The following MACF1 variants were observed in gnomAD, a reference collection of about 807,000 sequenced individuals.
MACF1 encodes microtubule actin crosslinking factor 1.
Under a neutral mutation model 854.8 loss-of-function variants are expected in MACF1, and 193 were observed. The ratio of observed to expected loss-of-function variants is 0.23; its 90% CI spans 0.20 to 0.25. MACF1 has a LOEUF of 0.25. MACF1 is among the 10% of genes least tolerant of loss of function. The pLI is 1.00. For missense variants in MACF1, 7,722 were observed against 8,929.1 expected (o/e 0.86, Z 5.45); for synonymous variants, 3,185 against 3,226.7 (o/e 0.99, Z 0.44).
chr1:39,414,308 C>T, intron 58 of MACF1: 1 of 1,614,036 alleles, frequency 6.2e-7, no homozygotes, highest in South Asian at 1.1e-5. Context: ...CACACTGACT[C>T]AGTGCCTATT....
chr1:39,374,079 TA>T (rs1397962545), intron 52 of MACF1, among the ~76,000 whole-genome samples: 2 of 151,594 alleles, frequency 1.3e-5, no homozygotes, highest in African/African-American at 4.8e-5. Context: ...CCATCTCTAC[TA>T]AAAATACAAA....
chr1:39,222,438 T>G (rs1219551883), intron 1 of MACF1, among the ~76,000 whole-genome samples: 1 of 152,228 alleles, frequency 6.6e-6, no homozygotes. Flanking sequence ...TTGTGCTTTT[T>G]TTAAGTTTGG....
At chr1:39,337,774 TG>T (rs1479921600) in intron 38 of MACF1, among the ~76,000 whole-genome samples, 1 of 148,394 alleles carries the variant, frequency 6.7e-6, no homozygotes, top group East Asian at 2.0e-4. Flanking sequence ...TTTGTGTGTG[TG>T]TGTTTTTTTT....
intron 66 of MACF1, 40 bp from the exon 67 acceptor site, chr1:39,432,495 T>C (rs372962716): frequency 7.5e-6 from 12 of 1,605,088 alleles, no homozygotes; most frequent in Non-Finnish European, 8.5e-6. Flanking sequence ...GAGACTTGGC[T>C]GTATATAATT....
chr1:39,289,951 C>T (rs966663975), intron 15 of MACF1, among the ~76,000 whole-genome samples: 1 of 151,934 alleles, frequency 6.6e-6, no homozygotes, highest in African/African-American at 2.4e-5. Flanking sequence ...CCACCCGTCT[C>T]GGCCTCCCAA....
Position 39,334,675 on chromosome 1 carries a change from C to G in MACF1, c.8087C>G (p.Thr2696Ser), listed in dbSNP as rs780322609. ...GCAAATACTGGTGGAATCATAGATACTGCTACTGGAAAAAGACTGACATTG... is the reference window on the plus strand; with the variant it reads ...GCAAATACTGGTGGAATCATAGATAGTGCTACTGGAAAAAGACTGACATTG... ...AQANTGGIID[T>S]ATGKRLTLAS... Residue 2696 changes from threonine to serine, a missense_variant, in exon 37 of 101, where the codon ACT (threonine) becomes AGT (serine). Thr to Ser is a moderately conservative substitution (Grantham distance 58). Transcript: ENST00000564288. 2.5e-6 allele frequency: 4 copies of G among 1,613,920 alleles called. No individual in the cohort carries two copies. Among genetic ancestry groups the G allele is most frequent in the Non-Finnish European group, 3.4e-6 (4 of 1,180,002 alleles).
At chr1:39,162,695 G>C (rs775028196) in intron 2 of MACF1, among the ~76,000 whole-genome samples, 10 of 151,988 alleles carry the variant, frequency 6.6e-5, no homozygotes, top group Non-Finnish European at 1.3e-4. Context: ...TTTTTCATTT[G>C]TAAGAAAGGG....
Position 39,435,741 on chromosome 1 carries a change from G to A in MACF1, c.17968G>A (p.Ala5990Thr), listed in dbSNP as rs1196798533. The A allele has an allele frequency of 6.2e-7, 1 of 1,614,010 alleles. No homozygotes were observed. The highest frequency in any genetic ancestry group is 8.5e-7 in the Non-Finnish European group (1 of 1,179,996). ...VRQRALALDE[A>T]VSQSTQFHDK... Reference sequence around the variant, plus strand: ...CCAGCGAGCCCTGGCTCTGGATGAAGCCGTGTCCCAGTCCACACAGGTATG... The same window carrying A: ...CCAGCGAGCCCTGGCTCTGGATGAAACCGTGTCCCAGTCCACACAGGTATG... The change falls in exon 70 of 101, where the codon GCC becomes ACC. Residue 5990 changes from alanine (A) to threonine (T), a missense_variant. Coordinates refer to ENST00000564288, the MANE Select transcript of MACF1 (RefSeq NM_001394062.1).
At chr1:39,440,715 G>A (rs1169177101) in intron 72 of MACF1, among the ~76,000 whole-genome samples, 1 of 152,118 alleles carries the variant, frequency 6.6e-6, no homozygotes, top group Non-Finnish European at 1.5e-5. Flanking sequence ...ACTTCTAGCT[G>A]TTGATTATAA....
intron 6 of MACF1, among the ~76,000 whole-genome samples, chr1:39,273,003 T>C (rs1313336764): frequency 6.6e-6 from 1 of 152,170 alleles, no homozygotes; most frequent in Non-Finnish European, 1.5e-5. Flanking sequence ...ATACTACTAA[T>C]ACCTGGCTTA....
chr1:39,389,661 CCT>C (rs530711330), intron 58 of MACF1, among the ~76,000 whole-genome samples: 30 of 152,086 alleles, frequency 2.0e-4, no homozygotes, highest in Admixed American at 2.0e-4. Flanking sequence ...CACTCAGCCC[CCT>C]GTTTTTCAAA....
Position 39,479,991 on chromosome 1 carries a change from C to T in MACF1, c.22152C>T (p.Thr7384=). The T allele has an allele frequency of 1.9e-6, 3 of 1,578,250 alleles. No homozygotes were observed. Among genetic ancestry groups the T allele is most frequent in the Non-Finnish European group, 2.6e-6 (3 of 1,156,664 alleles). ...CATCCATGCCATCTTCTCCAGCCAC[C>T]CCAGCCAGTGGAACCAAGGTATGTA... ...SCTSMPSSPA[T]PASGTKTSLQ... Residue 7384 remains threonine (T), a synonymous_variant, in exon 98 of 101, where the codon ACC becomes ACT. Coordinates refer to ENST00000564288, the MANE Select transcript of MACF1 (RefSeq NM_001394062.1).
intron 2 of MACF1, among the ~76,000 whole-genome samples, chr1:39,099,340 A>G (rs1642010673): frequency 6.6e-6 from 1 of 152,164 alleles, no homozygotes; most frequent in African/African-American, 2.4e-5. Flanking sequence ...TATTTTTAGT[A>G]GAGACGCGGT....
intron 58 of MACF1, chr1:39,412,383 T>C (rs370747704): frequency 1.1e-5 from 18 of 1,613,940 alleles, no homozygotes; most frequent in Non-Finnish European, 1.4e-5. Context: ...ATGTGGTCAC[T>C]TGTGAATTGT....
At chr1:39,395,632 A>G (rs1180520262) in intron 58 of MACF1, among the ~76,000 whole-genome samples, 1 of 152,058 alleles carries the variant, frequency 6.6e-6, no homozygotes, top group Non-Finnish European at 1.5e-5. Context: ...TTAAGGGGAG[A>G]CTACAGTCTC....
At chr1:39,243,611 C>T (rs1418186736) in intron 2 of MACF1, among the ~76,000 whole-genome samples, 1 of 152,142 alleles carries the variant, frequency 6.6e-6, no homozygotes, top group Non-Finnish European at 1.5e-5. Flanking sequence ...CTGTGTTGCC[C>T]TGACTGGTCT....
Position 39,388,299 on chromosome 1 carries a change from G to T in MACF1, c.15457G>T (p.Asp5153Tyr), listed in dbSNP as rs1487476915. 2 of 1,614,104 alleles carry T rather than the reference G, an allele frequency of 1.2e-6. No individual in the cohort carries two copies. Among genetic ancestry groups the T allele is most frequent in the African/African-American group, 1.3e-5 (1 of 74,946 alleles). Residue 5153 changes from aspartate (D) to tyrosine (Y), a missense_variant, in exon 58 of 101, where the codon GAT (aspartate) becomes TAT (tyrosine). Asp to Tyr is a radical substitution (Grantham distance 160). Coordinates refer to ENST00000564288, the MANE Select transcript of MACF1 (RefSeq NM_001394062.1). ...DGMGAIGRDT[D>Y]SLQSQIEDVR... ...CATGGGTGCTATTGGCAGAGACACT[G>T]ATAGCCTCCAGTCCCAAATCGAGGA...
At chr1:39,285,782 G>A in intron 14 of MACF1, 24 bp downstream of exon 14, 2 of 1,611,040 alleles carry the variant, frequency 1.2e-6, no homozygotes, top group Non-Finnish European at 1.7e-6. Context: ...GACTCAAATG[G>A]AGGGCTTGCT....
chr1:39,452,906 A>G (rs912855552), intron 87 of MACF1, 94 bp downstream of exon 87: 2 of 1,452,908 alleles, frequency 1.4e-6, no homozygotes, highest in African/African-American at 2.8e-5. Flanking sequence ...TGGAAATATC[A>G]GAGCTCACAT....
Sources: allele counts gnomAD v4.1 joint callset (sites outside exome capture counted in the v4.1 genomes callset), GRCh38; gene constraint gnomAD v4.1.1; transcripts MANE v1.5; gene names NCBI Gene and HGNC (gene_info 2026-07-23, HGNC 2026-07-21).